CHODL: variants seen among roughly 807,000 people sequenced by gnomAD.
CHODL encodes the protein transmembrane protein MT75.
CHODL carries 29 observed loss-of-function variants against 34.5 expected under a neutral mutation model. The observed-to-expected ratio is 0.84, with a 90% CI of 0.63 to 1.15. The LOEUF is 1.15. Among genes scored for constraint, CHODL ranks in the 50% most tolerant of loss-of-function variants. CHODL has a pLI of 0.00. For missense variants in CHODL, 332 were observed against 332.5 expected, an observed-to-expected ratio of 1.00 and a Z score of 0.01; for synonymous variants, 125 against 116.1, an observed-to-expected ratio of 1.08 and a Z score of -0.49.
chr21:18,138,993 A>G (rs1491774), intron 2 of CHODL, among the ~76,000 whole-genome samples: 11,932 of 152,132 alleles, frequency 0.078, 1,484 homozygotes, highest in African/African-American at 0.27. Context: ...TAGTTTGGGT[A>G]ATATTATATT....
intron 1 of CHODL, among the ~76,000 whole-genome samples, chr21:18,009,288 C>A (rs891819707): frequency 2.0e-5 from 3 of 151,952 alleles, no homozygotes; most frequent in African/African-American, 7.3e-5. Context: ...ACTCTAATCA[C>A]CTTAATTTTG....
At position 18,094,354 on chromosome 21, in the gene CHODL, A is replaced by G. The variant is rs1188901494; in HGVS notation, c.-45+66383A>G. 2.6e-5 allele frequency among the ~76,000 whole-genome samples: 4 copies of G among 152,194 alleles called. No homozygotes were observed. In the South Asian group the frequency reaches 8.3e-4, roughly 32 times the overall value. ...GCTTTGGACTTAATCTGCACTATAG[A>G]ACAAATTGGCCTAAGAGATATTTAC... is the stretch of plus-strand genomic sequence containing the variant. On this transcript the variant is annotated intron_variant, in intron 2 of 6. Transcript: ENST00000400127.
intron 2 of CHODL, among the ~76,000 whole-genome samples, chr21:18,044,668 C>A (rs1055839359): frequency 1.3e-5 from 2 of 151,598 alleles, no homozygotes; most frequent in Non-Finnish European, 2.9e-5. Flanking sequence ...TCCTTTAGAT[C>A]GATTACAATA....
At chr21:18,054,546 T>C (rs2064555683) in intron 2 of CHODL, among the ~76,000 whole-genome samples, 1 of 152,006 alleles carries the variant, frequency 6.6e-6, no homozygotes, top group Non-Finnish European at 1.5e-5. Flanking sequence ...ATATGTGGAA[T>C]CTACAAATGT....
At chr21:18,047,850 GA>G (rs2064463617) in intron 2 of CHODL, among the ~76,000 whole-genome samples, 1 of 151,944 alleles carries the variant, frequency 6.6e-6, no homozygotes, top group African/African-American at 2.4e-5. Context: ...TTGACTATGA[GA>G]AAAACTTGTG....
intron 1 of CHODL, among the ~76,000 whole-genome samples, chr21:18,022,780 C>G (rs1239367123): frequency 6.6e-6 from 1 of 152,184 alleles, no homozygotes; most frequent in Non-Finnish European, 1.5e-5. Flanking sequence ...TTAACTCATA[C>G]AGAGAAACTC....
chr21:17,948,389 A>T (rs1372063064), intron 1 of CHODL, among the ~76,000 whole-genome samples: 3 of 152,148 alleles, frequency 2.0e-5, no homozygotes, highest in African/African-American at 7.2e-5. Context: ...AAGAAATAAA[A>T]AAAACAAGAA....
intron 2 of CHODL, among the ~76,000 whole-genome samples, chr21:18,210,614 G>T (rs140223018): frequency 6.6e-6 from 1 of 152,264 alleles, no homozygotes; most frequent in African/African-American, 2.4e-5. Flanking sequence ...CGCATCTCCA[G>T]TAGACCCATC....
intron 2 of CHODL, among the ~76,000 whole-genome samples, chr21:18,219,123 G>A (rs1429898549): frequency 1.3e-5 from 2 of 152,106 alleles, no homozygotes; most frequent in African/African-American, 2.4e-5. Flanking sequence ...TCAATTTACT[G>A]TATTAGTCCA....
intron 1 of CHODL, among the ~76,000 whole-genome samples, chr21:17,985,148 C>G (rs2146380484): frequency 6.6e-6 from 1 of 152,198 alleles, no homozygotes; most frequent in African/African-American, 2.4e-5. Context: ...ACGGATGTAT[C>G]TATAATATAG....
intron 1 of CHODL, among the ~76,000 whole-genome samples, chr21:18,021,213 A>C (rs2064124771): frequency 6.6e-6 from 1 of 152,210 alleles, no homozygotes; most frequent in African/African-American, 2.4e-5. Context: ...GAAATGTAGA[A>C]GTCAGCCACA....
At chr21:18,077,434 T>A (rs1049282275) in intron 2 of CHODL, among the ~76,000 whole-genome samples, 2 of 152,154 alleles carry the variant, frequency 1.3e-5, no homozygotes, top group African/African-American at 2.4e-5. Flanking sequence ...ATGGGATGAA[T>A]ATATTTTGCA....
At chr21:18,063,215 A>G (rs2064690396) in intron 2 of CHODL, among the ~76,000 whole-genome samples, 1 of 152,232 alleles carries the variant, frequency 6.6e-6, no homozygotes, top group Non-Finnish European at 1.5e-5. Flanking sequence ...GAACAAAGGA[A>G]CAGAACCAAT....
At chr21:18,092,715 T>C (rs908751300) in intron 2 of CHODL, among the ~76,000 whole-genome samples, 2 of 152,160 alleles carry the variant, frequency 1.3e-5, no homozygotes, top group African/African-American at 4.8e-5. Flanking sequence ...GCAGAATAGA[T>C]TATGCAGAAG....
At chr21:18,141,652 A>G (rs1056350817) in intron 2 of CHODL, among the ~76,000 whole-genome samples, 1 of 151,748 alleles carries the variant, frequency 6.6e-6, no homozygotes, top group East Asian at 1.9e-4. Context: ...AGCTTGAAAT[A>G]GAGATTTGTG....
intron 1 of CHODL, among the ~76,000 whole-genome samples, chr21:17,980,682 A>G (rs1450294032): frequency 2.0e-5 from 3 of 152,150 alleles, no homozygotes; most frequent in African/African-American, 7.2e-5. Flanking sequence ...GTACCTGGAC[A>G]TTCTTTGTAT....
intron 1 of CHODL, among the ~76,000 whole-genome samples, chr21:17,958,166 T>C (rs1464617669): frequency 6.6e-6 from 1 of 152,194 alleles, no homozygotes; most frequent in Non-Finnish European, 1.5e-5. Flanking sequence ...GTTTATTTTT[T>C]TACTCACTGT....
At chr21:18,017,154 A>T (rs2064082998) in intron 1 of CHODL, among the ~76,000 whole-genome samples, 1 of 152,170 alleles carries the variant, frequency 6.6e-6, no homozygotes, top group Non-Finnish European at 1.5e-5. Context: ...TTGGAAAGGC[A>T]TGATTGTGTT....
intron 2 of CHODL, among the ~76,000 whole-genome samples, chr21:18,079,877 C>T (rs941548369): frequency 6.6e-6 from 1 of 151,550 alleles, no homozygotes; most frequent in African/African-American, 2.4e-5. Context: ...GATTGAATGG[C>T]AGTCCTATAT....
Sources: allele counts gnomAD v4.1 joint callset (sites outside exome capture counted in the v4.1 genomes callset), GRCh38; gene constraint gnomAD v4.1.1; transcripts MANE v1.5; gene names NCBI Gene and HGNC (gene_info 2026-07-23, HGNC 2026-07-21).